Variants in ATP13A4 observed in about 807,000 individuals in gnomAD.
ATP13A4 encodes probable cation-transporting ATPase 13A4.
ATP13A4 carries 114 observed loss-of-function variants against 142.5 expected under a neutral mutation model. That is an observed-to-expected ratio of 0.80 (90% CI 0.69 to 0.93). ATP13A4 has a LOEUF of 0.93. Among genes scored for constraint, ATP13A4 ranks in the 40% least tolerant of loss-of-function variants. The pLI is 0.00. For missense variants in ATP13A4, 1,392 were observed against 1,454.0 expected (o/e 0.96, Z 0.69); for synonymous variants, 488 against 514.8 (o/e 0.95, Z 0.70).
intron 18 of ATP13A4, among the ~76,000 whole-genome samples, chr3:193,443,912 G>A (rs1397691871): frequency 6.6e-6 from 1 of 152,008 alleles, no homozygotes; most frequent in Non-Finnish European, 1.5e-5. Context: ...CTGAAGAGCA[G>A]AGAGAAAAAA....
intron 29 of ATP13A4, among the ~76,000 whole-genome samples, chr3:193,405,237 A>G (rs542272199): frequency 2.0e-5 from 3 of 152,230 alleles, no homozygotes; most frequent in Non-Finnish European, 4.4e-5. Flanking sequence ...GAAGACTTTG[A>G]TACTTCATTA....
At chr3:193,502,777 T>C (rs1720626239) in intron 2 of ATP13A4, 138 bp from the exon 3 acceptor site, 8 of 907,938 alleles carry the variant, frequency 8.8e-6, no homozygotes, top group South Asian at 1.5e-5. Context: ...GGTTTGTCTC[T>C]GAAAGATGAT....
At chr3:193,539,562 G>A (rs934491035) in intron 1 of ATP13A4, among the ~76,000 whole-genome samples, 2 of 152,146 alleles carry the variant, frequency 1.3e-5, no homozygotes, top group South Asian at 2.1e-4. Flanking sequence ...CTAAGACATC[G>A]CTTCTGTGCC....
chr3:193,461,298 C>G (rs982045846), intron 13 of ATP13A4, among the ~76,000 whole-genome samples: 1 of 152,114 alleles, frequency 6.6e-6, no homozygotes, highest in East Asian at 1.9e-4. Context: ...TACTGTGCAC[C>G]TACTATTTGT....
chr3:193,482,157 A>G (rs1335310020), intron 8 of ATP13A4, among the ~76,000 whole-genome samples: 1 of 152,320 alleles, frequency 6.6e-6, no homozygotes, highest in East Asian at 1.9e-4. Flanking sequence ...TGAACAATTG[A>G]TTTTTGACAA....
intron 17 of ATP13A4, among the ~76,000 whole-genome samples, chr3:193,453,866 A>T (rs1717423340): frequency 6.6e-6 from 1 of 152,212 alleles, no homozygotes; most frequent in South Asian, 2.1e-4. Flanking sequence ...ACTATTTCTC[A>T]TAAAATCCCC....
chr3:193,502,358 G>T, intron 3 of ATP13A4, 135 bp downstream of exon 3: 1 of 1,083,786 alleles, frequency 9.2e-7, no homozygotes, highest in Non-Finnish European at 1.4e-6. Flanking sequence ...TGGACTGTCT[G>T]GCTCCAAAGT....
At chr3:193,556,104 T>C (rs989125446), upstream of ATP13A4, among the ~76,000 whole-genome samples, 1 of 152,174 alleles carries the variant, frequency 6.6e-6, no homozygotes, top group Non-Finnish European at 1.5e-5. Context: ...TAGGTGGTCG[T>C]TGTGCTACCT....
At chr3:193,423,779 C>A (rs1715515119) in intron 25 of ATP13A4, among the ~76,000 whole-genome samples, 1 of 149,278 alleles carries the variant, frequency 6.7e-6, no homozygotes, top group African/African-American at 2.5e-5. Flanking sequence ...GAAAAGGATG[C>A]CCACTTTTGC....
intron 14 of ATP13A4, among the ~76,000 whole-genome samples, chr3:193,457,784 T>C (rs1221879771): frequency 1.3e-5 from 2 of 152,238 alleles, no homozygotes; most frequent in Non-Finnish European, 2.9e-5. Flanking sequence ...AGGGCCAGAC[T>C]TCTTTTGTGT....
rs150003375 is a variant in ATP13A4 at position 193,465,031 on chromosome 3, G to T, written c.1370C>A (p.Ala457Asp). 3 of 1,614,134 alleles carry T rather than the reference G, an allele frequency of 1.9e-6. No homozygotes were observed. Among genetic ancestry groups the T allele is most frequent in the Non-Finnish European group, 2.5e-6 (3 of 1,180,012 alleles). Residue 457 changes from alanine to aspartate, a missense_variant, in exon 12 of 30, where the codon GCC (alanine) becomes GAC (aspartate). By Grantham distance (126) the Ala-to-Asp change is moderately radical (BLOSUM62 -2). Coordinates refer to ENST00000342695, the MANE Select transcript of ATP13A4 (RefSeq NM_032279.4). ...GCCTCTCTTCTTCAGCCTCCTCTGG[G>T]CATAGATAATGCCTGTGGTCAGAGC... Reference protein sequence around the residue: ...PAALTTGIIYAQRRLKKRGIF... With the variant: ...PAALTTGIIYDQRRLKKRGIF...
chr3:193,459,283 G>C, intron 13 of ATP13A4, 52 bp from the exon 14 acceptor site: 1 of 1,605,922 alleles, frequency 6.2e-7, no homozygotes, highest in Non-Finnish European at 8.5e-7. Flanking sequence ...TGCCAAAACA[G>C]AGCATCTTGG....
At chr3:193,509,197 C>T (rs984594159) in intron 2 of ATP13A4, among the ~76,000 whole-genome samples, 3 of 152,190 alleles carry the variant, frequency 2.0e-5, no homozygotes, top group Non-Finnish European at 4.4e-5. Context: ...CCTTTTAACT[C>T]TTATCCTTTG....
chr3:193,561,052 G>C (rs1039990492), intron 2 of ATP13A4, among the ~76,000 whole-genome samples: 4 of 152,320 alleles, frequency 2.6e-5, no homozygotes, highest in Admixed American at 6.5e-5. Context: ...CATGGGAAAG[G>C]CTTCTTCACT....
intron 1 of ATP13A4, among the ~76,000 whole-genome samples, chr3:193,586,090 TAC>T (rs60074904): frequency 0.24 from 36,630 of 150,744 alleles, 4,538 homozygotes; most frequent in Admixed American, 0.31. Context: ...TATACACACA[TAC>T]ACACACACAC....
intron 18 of ATP13A4, among the ~76,000 whole-genome samples, chr3:193,444,268 CA>C (rs1716816623): frequency 6.6e-6 from 1 of 152,144 alleles, no homozygotes; most frequent in South Asian, 2.1e-4. Flanking sequence ...AATAGTGGAA[CA>C]ACATCTTTGA....
At chr3:193,432,345 GT>G (rs1379386211) in intron 25 of ATP13A4, among the ~76,000 whole-genome samples, 1 of 152,092 alleles carries the variant, frequency 6.6e-6, no homozygotes, top group East Asian at 1.9e-4. Context: ...TGGAAAGACA[GT>G]TTAGAGGTTT....
At chr3:193,523,790 G>C (rs1275285270) in intron 1 of ATP13A4, among the ~76,000 whole-genome samples, 3 of 152,210 alleles carry the variant, frequency 2.0e-5, no homozygotes, top group Non-Finnish European at 4.4e-5. Flanking sequence ...TTGACCCCCA[G>C]TACGGCTGTG....
At chr3:193,466,432 C>T (rs1009761428) in intron 10 of ATP13A4, among the ~76,000 whole-genome samples, 1 of 152,168 alleles carries the variant, frequency 6.6e-6, no homozygotes, top group Non-Finnish European at 1.5e-5. Flanking sequence ...AGAAAACCGC[C>T]GTACTGGGTG....
Sources: allele counts gnomAD v4.1 joint callset (sites outside exome capture counted in the v4.1 genomes callset), GRCh38; gene constraint gnomAD v4.1.1; transcripts MANE v1.5; gene names NCBI Gene and HGNC (gene_info 2026-07-23, HGNC 2026-07-21).